SLC35E3: variants seen among roughly 807,000 people sequenced by gnomAD.
SLC35E3 encodes solute carrier family 35 member E3.
Under a neutral mutation model 30.8 loss-of-function variants are expected in SLC35E3, and 28 were observed. The observed-to-expected ratio is 0.91, with a 90% CI of 0.67 to 1.25. SLC35E3 has a LOEUF of 1.25. SLC35E3 is among the 50% of genes most tolerant of loss of function. The probability of loss-of-function intolerance (pLI) is 0.00; values close to 1 mark genes in which losing one functional copy is unlikely to be tolerated. For synonymous variants in SLC35E3, 146 were observed against 149.2 expected (o/e 0.98, Z 0.16); for missense variants, 365 against 375.4 (o/e 0.97, Z 0.23).
intron 3 of SLC35E3, among the ~76,000 whole-genome samples, chr12:68,754,708 A>G (rs1281930740): frequency 6.6e-6 from 1 of 152,088 alleles, no homozygotes; most frequent in Non-Finnish European, 1.5e-5. Context: ...CTTTTTTCCT[A>G]TGGAAATGAG....
In SLC35E3 at chr12:68,773,039, A is replaced by T. The variant is rs1879649320; in HGVS notation, c.*8149A>T. ...ACCAGCCCTCACCAGTCACAGGTGG[A>T]ATTAAAGAAATCTGGCAAAAAATAA... On this transcript the variant is annotated 3_prime_UTR_variant, in exon 5 of 5. Coordinates refer to ENST00000398004, the MANE Select transcript of SLC35E3 (RefSeq NM_018656.5). 6.6e-6 allele frequency: 1 copy of T among 152,204 alleles called. No homozygotes were observed. The highest frequency in any genetic ancestry group is 1.5e-5 in the Non-Finnish European group (1 of 68,036). The allele number at this position is 152,204 out of a possible 1,614,324, so 9.4% of individuals were successfully genotyped here.
chr12:68,759,301 C>G, intron 4 of SLC35E3, 62 bp downstream of exon 4: 1 of 1,182,232 alleles, frequency 8.5e-7, no homozygotes, highest in South Asian at 1.3e-5. Flanking sequence ...CTTTTACATT[C>G]ATTACCTTAT....
intron 4 of SLC35E3, among the ~76,000 whole-genome samples, chr12:68,761,978 T>C (rs1879245328): frequency 1.3e-5 from 2 of 151,990 alleles, no homozygotes; most frequent in African/African-American, 2.4e-5. Context: ...TTGTTGTTTT[T>C]GAGACAGGGT....
In SLC35E3 at chr12:68,774,738, A is replaced by AAAAACAAAC. The variant is rs1207267553; in HGVS notation, c.*9862_*9870dup. 7 of 134,250 alleles carry AAAAACAAAC rather than the reference A, an allele frequency of 5.2e-5. No individual in the cohort carries two copies. Among genetic ancestry groups the AAAAACAAAC allele is most frequent in the Non-Finnish European group, 1.1e-4 (7 of 62,972 alleles). 8.3% of individuals were successfully genotyped at this position (134,250 alleles called of 1,614,324 possible). On this transcript the variant is annotated 3_prime_UTR_variant, in exon 5 of 5. Transcript: ENST00000398004. ...GGGCAACAGAGGGAGACCCTGTCTC[A>AAAAACAAAC]AAAACAAACAAAACAAACAAAAATA...
chr12:68,748,127 A>G (rs1878665658), intron 2 of SLC35E3, 87 bp downstream of exon 2: 4 of 761,168 alleles, frequency 5.3e-6, no homozygotes, highest in Non-Finnish European at 6.9e-6. Flanking sequence ...AATACAGTAT[A>G]GAGACAATAG....
At position 68,769,861 on chromosome 12, in the gene SLC35E3, A is replaced by G. The variant is rs947242792; in HGVS notation, c.*4971A>G. 1.1e-4 allele frequency: 16 copies of G among 152,222 alleles called. No individual in the cohort carries two copies. Among genetic ancestry groups the G allele is most frequent in the African/African-American group, 3.6e-4 (15 of 41,472 alleles). The allele number at this position is 152,222 out of a possible 1,614,324, so 9.4% of individuals were successfully genotyped here. ...TATGGATATAAAACAGTTTTTATGT[A>G]GAGACAGTCCTATATTTCCTGTGAT... On this transcript the variant is annotated 3_prime_UTR_variant, in exon 5 of 5. Coordinates refer to ENST00000398004, the MANE Select transcript of SLC35E3 (RefSeq NM_018656.5).
In SLC35E3 at chr12:68,772,381, C is replaced by T. The variant is rs1297153543; in HGVS notation, c.*7491C>T. On this transcript the variant is annotated 3_prime_UTR_variant, in exon 5 of 5. Coordinates refer to ENST00000398004, the MANE Select transcript of SLC35E3 (RefSeq NM_018656.5). ...TCAATTTTTTTGTTCACAAGCATTT[C>T]TTTACTCATAGATACCATTTTTATA... The T allele has an allele frequency of 2.0e-5, 3 of 152,074 alleles. No homozygotes were observed. The highest frequency in any genetic ancestry group is 2.9e-5 in the Non-Finnish European group (2 of 67,998). The allele number at this position is 152,074 out of a possible 1,614,324, so 9.4% of individuals were successfully genotyped here.
chr12:68,746,341 C>A lies in SLC35E3; in HGVS notation c.-37C>A. 2 of 1,527,500 alleles carry A rather than the reference C, an allele frequency of 1.3e-6. No homozygotes were observed. Among genetic ancestry groups the A allele is most frequent in the South Asian group, 1.3e-5 (1 of 76,902 alleles). 94.6% of individuals were successfully genotyped at this position (1,527,500 alleles called of 1,614,324 possible). A position where few individuals can be genotyped will look rare whatever the true frequency, so the allele number is the denominator to read the frequency against. ...GGCAGCCGGAGACAGGCCCGGCGCC[C>A]CTTCCGAGGCTAGACGGCCCCAGCT... On this transcript the variant is annotated 5_prime_UTR_variant, in exon 1 of 5. Coordinates refer to ENST00000398004, the MANE Select transcript of SLC35E3 (RefSeq NM_018656.5).
chr12:68,746,886 A>G, intron 1 of SLC35E3, 107 bp downstream of exon 1: 1 of 1,229,666 alleles, frequency 8.1e-7, no homozygotes, highest in Non-Finnish European at 1.1e-6. Flanking sequence ...TGAAATCCAC[A>G]AATGAGTCAT....
chr12:68,758,427 A>G (rs1260846067), intron 3 of SLC35E3, among the ~76,000 whole-genome samples: 1 of 152,152 alleles, frequency 6.6e-6, no homozygotes, highest in Non-Finnish European at 1.5e-5. Context: ...CTCAAAAAAA[A>G]AAGAAAAAGA....
intron 3 of SLC35E3, among the ~76,000 whole-genome samples, chr12:68,758,176 C>G (rs888353555): frequency 1.3e-5 from 2 of 151,098 alleles, no homozygotes; most frequent in South Asian, 4.2e-4. Flanking sequence ...AATCCCAGCA[C>G]TTTGGGAGGC....
intron 2 of SLC35E3, 72 bp downstream of exon 2, chr12:68,748,112 T>C (rs892777673): frequency 6.9e-6 from 6 of 868,220 alleles, no homozygotes; most frequent in Admixed American, 1.9e-5. Flanking sequence ...TTCCAAGGTT[T>C]AGAAAATACA....
At chr12:68,753,111 CAAAA>C (rs34737156) in intron 3 of SLC35E3, among the ~76,000 whole-genome samples, 4 of 122,384 alleles carry the variant, frequency 3.3e-5, no homozygotes, top group African/African-American at 6.0e-5. Flanking sequence ...ACACCTGTCT[CAAAA>C]AAAAAAAAAA....
intron 2 of SLC35E3, among the ~76,000 whole-genome samples, chr12:68,750,717 G>A (rs938586063): frequency 2.0e-5 from 3 of 152,194 alleles, no homozygotes; most frequent in South Asian, 2.1e-4. Flanking sequence ...CTCTGTATCC[G>A]TTTTTGCTTG....
chr12:68,747,069 G>A (rs748991889), intron 1 of SLC35E3, among the ~76,000 whole-genome samples: 5 of 152,194 alleles, frequency 3.3e-5, no homozygotes, highest in Non-Finnish European at 5.9e-5. Context: ...AGTGTTATCA[G>A]AATATCTGCA....
rs1307922947 is a variant in SLC35E3, at chr12:68,779,556, A to T, written c.*14666A>T. On this transcript the variant is annotated 3_prime_UTR_variant, in exon 5 of 5. Coordinates refer to ENST00000398004, the MANE Select transcript of SLC35E3 (RefSeq NM_018656.5). ...GAAAGGATATAAGCATGGTTTGAGA[A>T]GGAAAAAAAGCTTAACAAGGGGGAA... 1.3e-5 allele frequency: 2 copies of T among 152,208 alleles called. No homozygotes were observed. The highest frequency in any genetic ancestry group is 3.8e-4 in the East Asian group (2 of 5,206). 9.4% of individuals were successfully genotyped at this position (152,208 alleles called of 1,614,324 possible).
chr12:68,758,732 T>TC (rs1879125015), intron 3 of SLC35E3, among the ~76,000 whole-genome samples: 1 of 30,852 alleles, frequency 3.2e-5, no homozygotes, highest in African/African-American at 1.0e-4. Context: ...TCTCTTTCTT[T>TC]TTTTTTTTTT....
At chr12:68,757,951 G>T (rs1438315769) in intron 3 of SLC35E3, among the ~76,000 whole-genome samples, 1 of 151,710 alleles carries the variant, frequency 6.6e-6, no homozygotes, top group Non-Finnish European at 1.5e-5. Flanking sequence ...AATTAGGTGG[G>T]TGTGGTGGCA....
rs556238252 is a variant in SLC35E3, at chr12:68,746,652, A to G, written c.275A>G (p.Asn92Ser). The change falls in exon 1 of 5, where the codon AAC becomes AGC. Residue 92 changes from asparagine (N) to serine (S), a missense_variant. Asn to Ser is a conservative substitution (Grantham distance 46). Coordinates refer to ENST00000398004, the MANE Select transcript of SLC35E3 (RefSeq NM_018656.5). ...LSFCGFVVFT[N>S]LSLQNNTIGT... ...TTCTGTGGCTTTGTGGTCTTCACTA[A>G]CCTTTCTCTGCAGAACAACACCATA... 1.2e-6 allele frequency: 2 copies of G among 1,614,120 alleles called. No individual in the cohort carries two copies. The highest frequency in any genetic ancestry group is 2.7e-5 in the African/African-American group (2 of 75,014).
Sources: gnomAD v4.1 joint callset for allele counts (sites outside exome capture counted in the v4.1 genomes callset) on GRCh38, gnomAD v4.1.1 for gene constraint, MANE v1.5 for transcripts, NCBI Gene and HGNC (gene_info 2026-07-23, HGNC 2026-07-21) for gene names.